The following ERBB4 variants were observed in gnomAD, a reference collection of about 807,000 sequenced individuals.
ERBB4 encodes the protein erb-b2 receptor tyrosine kinase 4.
In ERBB4, 42 loss-of-function variants were observed where a neutral mutation model predicts 158.0. The observed-to-expected ratio is 0.27, with a 90% CI of 0.21 to 0.34. The LOEUF (loss-of-function observed/expected upper bound fraction) is 0.34, where lower values mean the gene tolerates loss of function less well. Ranked by LOEUF, ERBB4 falls within the 10% of genes least tolerant of loss-of-function variation. ERBB4 has a pLI of 1.00. For synonymous variants in ERBB4, 583 were observed against 558.7 expected, an observed-to-expected ratio of 1.04 and a Z score of -0.61; for missense variants, 1,333 against 1,624.1, an observed-to-expected ratio of 0.82 and a Z score of 3.08.
intron 4 of ERBB4, among the ~76,000 whole-genome samples, chr2:211,760,246 A>G (rs1334361096): frequency 6.6e-6 from 1 of 152,228 alleles, no homozygotes; most frequent in Admixed American, 6.5e-5. Flanking sequence ...CATGTATCAG[A>G]ACATTTGATA....
At chr2:211,517,691 C>G (rs186917847) in intron 20 of ERBB4, among the ~76,000 whole-genome samples, 1 of 151,968 alleles carries the variant, frequency 6.6e-6, no homozygotes, top group Non-Finnish European at 1.5e-5. Context: ...TACAAGAAAG[C>G]GAATCACTGT....
intron 1 of ERBB4, among the ~76,000 whole-genome samples, chr2:212,337,502 A>C (rs73070304): frequency 0.056 from 8,504 of 152,078 alleles, 806 homozygotes; most frequent in African/African-American, 0.19. Context: ...GCTAGCTCAG[A>C]CCCTCTCCCA....
At chr2:212,385,140 G>A (rs537385784) in intron 1 of ERBB4, among the ~76,000 whole-genome samples, 150 of 151,810 alleles carry the variant, frequency 9.9e-4, no homozygotes, top group Non-Finnish European at 1.9e-3. Flanking sequence ...TAATTCAGCT[G>A]TGATGGATCT....
intron 2 of ERBB4, among the ~76,000 whole-genome samples, chr2:211,956,702 T>C (rs2081044697): frequency 6.6e-6 from 1 of 152,136 alleles, no homozygotes; most frequent in Admixed American, 6.6e-5. Flanking sequence ...TGGTAAACAA[T>C]ATATAAGCAA....
At chr2:212,074,692 T>C (rs1374051199) in intron 2 of ERBB4, among the ~76,000 whole-genome samples, 1 of 151,958 alleles carries the variant, frequency 6.6e-6, no homozygotes, top group Non-Finnish European at 1.5e-5. Flanking sequence ...TTGGAAGGGA[T>C]ATTTAAGGAT....
chr2:211,718,192 A>G (rs1309804921), intron 7 of ERBB4, among the ~76,000 whole-genome samples: 1 of 152,056 alleles, frequency 6.6e-6, no homozygotes, highest in Non-Finnish European at 1.5e-5. Flanking sequence ...GATTACAGGC[A>G]CGAGCCACCG....
intron 20 of ERBB4, among the ~76,000 whole-genome samples, chr2:211,485,500 A>G (rs565321785): frequency 1.2e-3 from 186 of 152,188 alleles, no homozygotes; most frequent in African/African-American, 4.2e-3. Flanking sequence ...GTCTCTTCAA[A>G]CAAGACTTCC....
intron 19 of ERBB4, among the ~76,000 whole-genome samples, chr2:211,605,891 A>G (rs747330569): frequency 1.5e-4 from 23 of 152,268 alleles, no homozygotes; most frequent in Admixed American, 3.9e-4. Flanking sequence ...TGTAGGTAGC[A>G]GGAGAATTTA....
In ERBB4 at chr2:212,254,684, G is replaced by A. The variant is rs565546787; in HGVS notation, c.83-129781C>T. On this transcript the variant is annotated intron_variant, in intron 1 of 27. Transcript: ENST00000342788. ...AAAAAAGACAGCATGCCACTGATGG[G>A]AAAACTTCCTAACCTGCTTTCACAA... is the stretch of plus-strand genomic sequence containing the variant. Among the ~76,000 whole-genome samples the A allele has an allele frequency of 6.1e-4, 93 of 152,272 alleles. 1 individual carries two copies. Among genetic ancestry groups the A allele is most frequent in the Non-Finnish European group, 1.2e-3 (79 of 68,026 alleles).
At chr2:212,433,698 A>G (rs2092079281) in intron 1 of ERBB4, among the ~76,000 whole-genome samples, 1 of 152,018 alleles carries the variant, frequency 6.6e-6, no homozygotes, top group Admixed American at 6.6e-5. Flanking sequence ...GTAGTAAAAT[A>G]TATATATTAA....
intron 1 of ERBB4, among the ~76,000 whole-genome samples, chr2:212,195,513 G>C (rs748373633): frequency 6.6e-6 from 1 of 151,682 alleles, no homozygotes; most frequent in Non-Finnish European, 1.5e-5. Context: ...CCTTTTAAAG[G>C]CATAATTGTT....
chr2:211,601,842 A>C (rs1056113153), intron 19 of ERBB4, among the ~76,000 whole-genome samples: 2 of 152,142 alleles, frequency 1.3e-5, no homozygotes, highest in African/African-American at 4.8e-5. Flanking sequence ...GCAAAAGAAA[A>C]TAAATATTAC....
chr2:212,204,263 G>A (rs773665149), intron 1 of ERBB4, among the ~76,000 whole-genome samples: 11 of 151,978 alleles, frequency 7.2e-5, no homozygotes, highest in Non-Finnish European at 1.5e-4. Flanking sequence ...CTTTCAATGA[G>A]GCAAAAGACT....
chr2:211,811,109 C>T (rs536486686), intron 3 of ERBB4, among the ~76,000 whole-genome samples: 7 of 152,220 alleles, frequency 4.6e-5, no homozygotes, highest in South Asian at 4.2e-4. Flanking sequence ...TTCCTAGCAT[C>T]GATGGTCTTT....
intron 2 of ERBB4, among the ~76,000 whole-genome samples, chr2:212,123,159 TGG>T (rs2079809118): frequency 6.6e-6 from 1 of 152,212 alleles, no homozygotes. Context: ...CCCAGCACTT[TGG>T]GAGGCCGAGG....
At chr2:212,389,527 G>A (rs1047462584) in intron 1 of ERBB4, among the ~76,000 whole-genome samples, 1 of 151,934 alleles carries the variant, frequency 6.6e-6, no homozygotes, top group African/African-American at 2.4e-5. Flanking sequence ...AGCACTCTAT[G>A]GGATAAAAGA....
At chr2:211,731,830 A>G (rs2074435456) in intron 5 of ERBB4, among the ~76,000 whole-genome samples, 1 of 152,198 alleles carries the variant, frequency 6.6e-6, no homozygotes, top group African/African-American at 2.4e-5. Flanking sequence ...ATCAGGTTCA[A>G]TGAAACTAAT....
At chr2:212,276,350 C>T (rs564890409) in intron 1 of ERBB4, among the ~76,000 whole-genome samples, 1 of 151,722 alleles carries the variant, frequency 6.6e-6, no homozygotes, top group African/African-American at 2.4e-5. Context: ...CTAAACAAAC[C>T]ATCAGATTTG....
chr2:212,225,351 G>A (rs143245547), intron 1 of ERBB4, among the ~76,000 whole-genome samples: 3 of 152,126 alleles, frequency 2.0e-5, no homozygotes, highest in Non-Finnish European at 2.9e-5. Context: ...TTTTATCAGC[G>A]TTGGGGAGAT....
Sources: allele counts gnomAD v4.1 joint callset (sites outside exome capture counted in the v4.1 genomes callset), GRCh38; gene constraint gnomAD v4.1.1; transcripts MANE v1.5; gene names NCBI Gene and HGNC (gene_info 2026-07-23, HGNC 2026-07-21).